Variants in DOCK4 observed in about 807,000 individuals in gnomAD.
The protein encoded by DOCK4 is dedicator of cytokinesis protein 4.
In DOCK4, 97 loss-of-function variants were observed where a neutral mutation model predicts 268.1. The ratio of observed to expected loss-of-function variants is 0.36; its 90% confidence interval spans 0.31 to 0.43. The LOEUF is 0.43. Ranked by LOEUF, DOCK4 falls within the 20% of genes least tolerant of loss-of-function variation. The pLI is 1.00. For missense variants in DOCK4, 2,145 were observed against 2,455.7 expected (o/e 0.87, Z 2.67); for synonymous variants, 954 against 887.2 (o/e 1.08, Z -1.34).
intron 27 of DOCK4, among the ~76,000 whole-genome samples, chr7:111,817,714 T>A (rs1801664010): frequency 6.6e-6 from 1 of 152,194 alleles, no homozygotes; most frequent in South Asian, 2.1e-4. Flanking sequence ...AATATTTCTG[T>A]CTTTTACTAA....
intron 11 of DOCK4, among the ~76,000 whole-genome samples, chr7:111,939,535 T>A (rs1418348903): frequency 1.4e-5 from 2 of 143,934 alleles, no homozygotes; most frequent in African/African-American, 2.6e-5. Flanking sequence ...AAAAAAAAAA[T>A]TTACTTATGC....
At chr7:112,072,979 C>A (rs936406632) in intron 1 of DOCK4, among the ~76,000 whole-genome samples, 3 of 152,150 alleles carry the variant, frequency 2.0e-5, no homozygotes, top group African/African-American at 7.2e-5. Flanking sequence ...ACAGCCCACC[C>A]CAAGGGAAGA....
chr7:112,150,396 G>A (rs1006797974), intron 1 of DOCK4, among the ~76,000 whole-genome samples: 8 of 152,224 alleles, frequency 5.3e-5, no homozygotes, highest in South Asian at 4.1e-4. Context: ...CCAACATGCC[G>A]CTCCAAGCTC....
chr7:111,973,914 C>G (rs1215475460), intron 8 of DOCK4, among the ~76,000 whole-genome samples: 3 of 152,094 alleles, frequency 2.0e-5, no homozygotes, highest in Admixed American at 2.0e-4. Flanking sequence ...AAAACACTCA[C>G]AAATAAGAAG....
rs78110909 is a variant in DOCK4, at chr7:111,940,835, T to C, written c.845-593A>G. ...ATATGTTATTAATACATTGTTTTAATGTATTGTTGGTATTTAATTATCAGT... is the reference window on the plus strand; with the variant it reads ...ATATGTTATTAATACATTGTTTTAACGTATTGTTGGTATTTAATTATCAGT... On this transcript the variant is annotated intron_variant, in intron 10 of 52. Coordinates refer to ENST00000428084, the MANE Select transcript of DOCK4 (RefSeq NM_001363540.2). 7.9e-4 allele frequency among the ~76,000 whole-genome samples: 120 copies of C among 152,348 alleles called. 2 individuals are homozygous for C. In the East Asian group the frequency reaches 0.021, roughly 26 times the overall value.
chr7:111,971,411 C>T lies in DOCK4; in HGVS notation c.701+5721G>A, dbSNP rs76370074. 339 of 221,230 alleles carry T rather than the reference C, an allele frequency of 1.5e-3. 1 individual carries two copies. The highest frequency in any genetic ancestry group is 7.5e-3 in the African/African-American group (321 of 43,006). 13.7% of individuals were successfully genotyped at this position (221,230 alleles called of 1,614,324 possible). A position where few individuals can be genotyped will look rare whatever the true frequency, so the allele number is the denominator to read the frequency against. On this transcript the variant is annotated intron_variant, in intron 8 of 52. Transcript: ENST00000428084. Reference sequence around the variant, plus strand: ...TCTTCCAAGCTAACCTGTGTGAAAGCGACAGTGGTGCAGGTCTTCCTGTGG... The same window carrying T: ...TCTTCCAAGCTAACCTGTGTGAAAGTGACAGTGGTGCAGGTCTTCCTGTGG...
chr7:111,989,953 A>C (rs1310382929), intron 5 of DOCK4, among the ~76,000 whole-genome samples: 1 of 152,232 alleles, frequency 6.6e-6, no homozygotes. Context: ...GCACTACAGC[A>C]CAGTGGCAGA....
At chr7:111,940,377 A>G in intron 10 of DOCK4, 135 bp from the exon 11 acceptor site, 2 of 1,131,416 alleles carry the variant, frequency 1.8e-6, no homozygotes, top group Non-Finnish European at 2.6e-6. Flanking sequence ...TGGGCGTAAC[A>G]GAAGATATTG....
At chr7:111,836,575 G>A (rs1803261027) in intron 25 of DOCK4, among the ~76,000 whole-genome samples, 1 of 151,988 alleles carries the variant, frequency 6.6e-6, no homozygotes, top group Non-Finnish European at 1.5e-5. Context: ...AAATGACATA[G>A]ATAATAGAAT....
At chr7:111,798,923 G>C (rs888176662) in intron 30 of DOCK4, among the ~76,000 whole-genome samples, 1 of 152,168 alleles carries the variant, frequency 6.6e-6, no homozygotes, top group South Asian at 2.1e-4. Flanking sequence ...AAAATCAATA[G>C]GTTATTATCC....
intron 13 of DOCK4, among the ~76,000 whole-genome samples, chr7:111,906,092 T>A (rs963555050): frequency 6.6e-6 from 1 of 152,056 alleles, no homozygotes; most frequent in African/African-American, 2.4e-5. Flanking sequence ...ACATTACCTA[T>A]GAAAACCTGT....
intron 42 of DOCK4, among the ~76,000 whole-genome samples, chr7:111,752,847 C>G (rs1585877574): frequency 6.6e-6 from 1 of 151,854 alleles, no homozygotes; most frequent in East Asian, 1.9e-4. Context: ...CTCAGCCTCC[C>G]GAAGTGCTGG....
intron 1 of DOCK4, among the ~76,000 whole-genome samples, chr7:112,059,465 A>G (rs1806184267): frequency 6.6e-6 from 1 of 152,162 alleles, no homozygotes; most frequent in East Asian, 1.9e-4. Context: ...TTTAAATGCA[A>G]TGAATATAAA....
intron 1 of DOCK4, among the ~76,000 whole-genome samples, chr7:112,169,044 A>G (rs11543793): frequency 0.11 from 16,182 of 152,206 alleles, 1,065 homozygotes; most frequent in East Asian, 0.18. Context: ...GGAGGGCCCT[A>G]GTGGGAGGTG....
chr7:112,078,654 T>G (rs900069993), intron 1 of DOCK4, among the ~76,000 whole-genome samples: 1 of 152,112 alleles, frequency 6.6e-6, no homozygotes, highest in African/African-American at 2.4e-5. Flanking sequence ...AATATAGACA[T>G]GCTGATGTCA....
At chr7:111,888,443 C>T (rs974308234) in intron 16 of DOCK4, among the ~76,000 whole-genome samples, 6 of 151,634 alleles carry the variant, frequency 4.0e-5, no homozygotes, top group Non-Finnish European at 8.8e-5. Context: ...GGTTGAAAGG[C>T]TGTGGTCAGA....
chr7:112,038,725 G>A (rs142867626), intron 1 of DOCK4, among the ~76,000 whole-genome samples: 341 of 152,292 alleles, frequency 2.2e-3, no homozygotes, highest in Non-Finnish European at 3.2e-3. Context: ...GCTAGGAGAA[G>A]AAGCTAGATA....
chr7:111,875,890 A>C (rs1806819111), intron 17 of DOCK4, among the ~76,000 whole-genome samples: 1 of 152,222 alleles, frequency 6.6e-6, no homozygotes, highest in South Asian at 2.1e-4. Context: ...AGCTGCAATA[A>C]ATAAGTAATA....
intron 1 of DOCK4, among the ~76,000 whole-genome samples, chr7:112,129,580 T>C (rs937847901): frequency 7.2e-5 from 11 of 152,172 alleles, no homozygotes; most frequent in African/African-American, 2.7e-4. Context: ...AATGTACCAA[T>C]TTTAATAAAT....
Sources: gnomAD v4.1 joint callset for allele counts (sites outside exome capture counted in the v4.1 genomes callset) on GRCh38, gnomAD v4.1.1 for gene constraint, MANE v1.5 for transcripts, NCBI Gene and HGNC (gene_info 2026-07-23, HGNC 2026-07-21) for gene names.